The following SUN5 variants were observed in gnomAD, a reference collection of about 807,000 sequenced individuals.
SUN5 encodes the protein Sad1 and UNC84 domain containing 5.
In SUN5, 44 loss-of-function variants were observed where a neutral mutation model predicts 53.7. The ratio of observed to expected loss-of-function variants is 0.82; its 90% CI spans 0.64 to 1.05. The LOEUF (loss-of-function observed/expected upper bound fraction) is 1.05, where lower values mean the gene tolerates loss of function less well. Ranked by LOEUF, SUN5 falls within the 50% of genes least tolerant of loss-of-function variation. The pLI is 0.00. For missense variants in SUN5, 433 were observed against 483.8 expected, an observed-to-expected ratio of 0.90 and a Z score of 0.98; for synonymous variants, 166 against 179.8, an observed-to-expected ratio of 0.92 and a Z score of 0.62.
At chr20:33,000,931 C>T (rs1408400464) in intron 4 of SUN5, among the ~76,000 whole-genome samples, 1 of 151,782 alleles carries the variant, frequency 6.6e-6, no homozygotes, top group Non-Finnish European at 1.5e-5. Context: ...GGAGTGAGAA[C>T]CCTGGCCTTG....
chr20:32,996,428 C>T (rs1473294974), intron 6 of SUN5, 70 bp from the exon 7 acceptor site: 5 of 1,388,364 alleles, frequency 3.6e-6, no homozygotes, highest in African/African-American at 2.8e-5. Flanking sequence ...GAACTTCATC[C>T]ATCTATTCTC....
At chr20:32,989,241 A>G (rs1989639035) in intron 9 of SUN5, among the ~76,000 whole-genome samples, 1 of 152,154 alleles carries the variant, frequency 6.6e-6, no homozygotes, top group African/African-American at 2.4e-5. Flanking sequence ...CTGATTCTTG[A>G]CTGCGGGTTG....
chr20:33,001,222 TA>T lies in SUN5; in HGVS notation c.267del (p.Phe89LeufsTer38). The T allele has an allele frequency of 6.3e-7, 1 of 1,575,030 alleles. No individual in the cohort carries two copies. Among genetic ancestry groups the T allele is most frequent in the Non-Finnish European group, 8.6e-7 (1 of 1,157,850 alleles). On this transcript the variant is annotated frameshift_variant, in exon 4 of 13. Transcript: ENST00000356173. LOFTEE classifies it high-confidence loss of function. ...GCCTTCCCTGCTCACCTGCACGTGTTAAACAGAACCTGCTGGGCCTGAGTTC... is the reference window on the plus strand; with the variant it reads ...GCCTTCCCTGCTCACCTGCACGTGTTAACAGAACCTGCTGGGCCTGAGTTC... ...SLRTQAQQVLFNTCRCKLLCQ... is the reference protein window; with the variant it reads ...SLRTQAQQVLXNTCRCKLLCQ...
At chr20:32,989,794 T>C in intron 8 of SUN5, 96 bp from the exon 9 acceptor site, 1 of 1,034,010 alleles carries the variant, frequency 9.7e-7, no homozygotes, top group Non-Finnish European at 1.5e-6. Flanking sequence ...TGCAGGACGC[T>C]GTCCTCTCCC....
At chr20:32,998,175 C>CAAAAAAAA (rs35729664) in intron 5 of SUN5, among the ~76,000 whole-genome samples, 165 of 59,054 alleles carry the variant, frequency 2.8e-3, no homozygotes, top group African/African-American at 3.5e-3. Flanking sequence ...CCCATCTCTA[C>CAAAAAAAA]AAAAAAAAAA....
intron 8 of SUN5, among the ~76,000 whole-genome samples, chr20:32,990,017 C>T (rs1989670425): frequency 6.6e-6 from 1 of 152,104 alleles, no homozygotes; most frequent in Non-Finnish European, 1.5e-5. Flanking sequence ...ACTTACTGCC[C>T]CTCTGAGTCT....
Position 33,004,360 on chromosome 20 carries a change from TG to T in SUN5, c.-21del. 1 of 1,546,688 alleles carries T rather than the reference TG, an allele frequency of 6.5e-7. No individual in the cohort carries two copies. Among genetic ancestry groups the T allele is most frequent in the East Asian group, 2.4e-5 (1 of 41,026 alleles). On this transcript the variant is annotated 5_prime_UTR_variant, in exon 1 of 13. Transcript: ENST00000356173. ...TGGCATCGATTTCCTTCTTTAGGAT[TG>T]GGGATGGAGATGGGAACTCTGGGAG...
intron 8 of SUN5, among the ~76,000 whole-genome samples, chr20:32,990,093 C>A (rs6058992): frequency 6.6e-6 from 1 of 152,078 alleles, no homozygotes; most frequent in African/African-American, 2.4e-5. Flanking sequence ...TCTGTAAAGC[C>A]CCTACTATGT....
In SUN5 at chr20:32,992,499, G is replaced by A. The variant is rs192797056; in HGVS notation, c.535-2801C>T. Reference sequence around the variant, plus strand: ...TCTGTTCCCCAGTAGAAGACTAGAAGTTATTCTCTGGAGAGGGTAAAACAG... The same window carrying A: ...TCTGTTCCCCAGTAGAAGACTAGAAATTATTCTCTGGAGAGGGTAAAACAG... On this transcript the variant is annotated intron_variant, in intron 8 of 12. Transcript: ENST00000356173. Among the ~76,000 whole-genome samples the A allele has an allele frequency of 1.6e-3, 246 of 152,280 alleles. 1 individual carries two copies. Among genetic ancestry groups the A allele is most frequent in the Admixed American group, 2.6e-3 (39 of 15,286 alleles).
intron 9 of SUN5, among the ~76,000 whole-genome samples, chr20:32,988,896 A>G (rs890644289): frequency 2.7e-5 from 4 of 148,188 alleles, no homozygotes; most frequent in Non-Finnish European, 4.5e-5. Context: ...GCCCTGAAGC[A>G]CTGATTCTTT....
intron 8 of SUN5, 65 bp downstream of exon 8, chr20:32,995,554 T>C (rs2146332778): frequency 1.5e-6 from 2 of 1,375,956 alleles, no homozygotes; most frequent in South Asian, 1.2e-5. Context: ...ACACTTGAGG[T>C]ATAGGAAACA....
At chr20:32,991,897 A>T (rs926301664) in intron 8 of SUN5, among the ~76,000 whole-genome samples, 7 of 152,218 alleles carry the variant, frequency 4.6e-5, no homozygotes. Context: ...CCAAACCCAT[A>T]TGAACAGGAA....
chr20:33,004,067 T>A (rs2146343705), intron 1 of SUN5, among the ~76,000 whole-genome samples, 197 bp downstream of exon 1: 1 of 152,268 alleles, frequency 6.6e-6, no homozygotes, highest in South Asian at 2.1e-4. Flanking sequence ...GCTCAATAAA[T>A]GCGTGCTGGA....
At chr20:32,985,262 ACTTG>A in intron 11 of SUN5, 77 bp from the exon 12 acceptor site, 1 of 1,319,628 alleles carries the variant, frequency 7.6e-7, no homozygotes, top group Admixed American at 1.7e-5. Context: ...TCCAGTGGAG[ACTTG>A]CACACTCCCC....
intron 10 of SUN5, among the ~76,000 whole-genome samples, chr20:32,986,155 CCATT>C (rs1481274086): frequency 6.6e-6 from 1 of 152,324 alleles, no homozygotes; most frequent in East Asian, 1.9e-4. Context: ...CCACTGGCAC[CCATT>C]CATTCATTCA....
chr20:32,983,934 C>T lies in SUN5; in HGVS notation c.1000G>A (p.Ala334Thr), dbSNP rs773921069. 6.3e-7 allele frequency: 1 copy of T among 1,585,812 alleles called. No individual in the cohort carries two copies. The highest frequency in any genetic ancestry group is 8.6e-7 in the Non-Finnish European group (1 of 1,165,862). ...MFPLQNQPAR[A>T]FSAVKVKISS... is the part of the protein sequence containing the mutation. ...ATCTTCACCTTGACCGCACTGAAAG[C>T]CCGGGCCGGCTGGTTCTGGAAGAGA... Residue 334 changes from alanine (A) to threonine (T), a missense_variant, in exon 13 of 13, where the codon GCT becomes ACT. Transcript: ENST00000356173.
At chr20:32,999,792 G>A in intron 5 of SUN5, 1 of 901,122 alleles carries the variant, frequency 1.1e-6, no homozygotes, top group South Asian at 1.7e-5. Flanking sequence ...TGTTGTGCGA[G>A]GTGGGGGTGG....
chr20:32,988,107 G>A (rs1357466104), intron 9 of SUN5, among the ~76,000 whole-genome samples: 1 of 152,050 alleles, frequency 6.6e-6, no homozygotes, highest in East Asian at 1.9e-4. Flanking sequence ...GGTGGCAACG[G>A]CCCCCACGTC....
At position 32,992,391 on chromosome 20, in the gene SUN5, G is replaced by C. The variant is rs531274302; in HGVS notation, c.535-2693C>G. On this transcript the variant is annotated intron_variant, in intron 8 of 12. Coordinates refer to ENST00000356173, the MANE Select transcript of SUN5 (RefSeq NM_080675.4). The stretch of plus-strand genomic sequence containing the variant: ...CTTAGGTGCCCCTGAAATTGGGGTA[G>C]AGAATTGGGTGTTAAGACAGTTAAG... 2.6e-5 allele frequency among the ~76,000 whole-genome samples: 4 copies of C among 152,312 alleles called. No individual in the cohort carries two copies. The South Asian group carries it at 6.2e-4, about 24-fold the overall frequency.
Sources: gnomAD v4.1 joint callset for allele counts (sites outside exome capture counted in the v4.1 genomes callset) on GRCh38, gnomAD v4.1.1 for gene constraint, MANE v1.5 for transcripts, NCBI Gene and HGNC (gene_info 2026-07-23, HGNC 2026-07-21) for gene names.